The following CASK variants were observed in gnomAD, a reference collection of about 807,000 sequenced individuals.
CASK encodes peripheral plasma membrane protein CASK.
In CASK, 4 loss-of-function variants were observed where a neutral mutation model predicts 82.9. That is an observed-to-expected ratio of 0.05 (90% CI 0.02 to 0.11). The LOEUF is 0.11. Ranked by LOEUF, CASK falls within the 10% of genes least tolerant of loss-of-function variation. The probability of loss-of-function intolerance (pLI) is 1.00; values close to 1 mark genes in which losing one functional copy is unlikely to be tolerated. For synonymous variants in CASK, 259 were observed against 253.5 expected, an observed-to-expected ratio of 1.02 and a Z score of -0.20; for missense variants, 358 against 720.9, an observed-to-expected ratio of 0.50 and a Z score of 5.76.
chrX:41,604,042 T>C (rs2065928218), intron 12 of CASK, among the ~76,000 whole-genome samples: 1 of 110,371 alleles, frequency 9.1e-6, no homozygotes, highest in African/African-American at 3.3e-5. Flanking sequence ...CAAATTCCAA[T>C]CCATAACTGA....
chrX:41,739,330 G>T, intron 5 of CASK, 54 bp downstream of exon 5: 1 of 731,197 alleles, frequency 1.4e-6, no homozygotes, highest in Non-Finnish European at 2.2e-6. Context: ...GATTATCATT[G>T]TTATATCAGT....
chrX:41,652,462 G>A (rs886143317), intron 8 of CASK, among the ~76,000 whole-genome samples: 12 of 112,028 alleles, frequency 1.1e-4, no homozygotes, highest in Middle Eastern at 4.6e-3. Flanking sequence ...TTAGAATGGC[G>A]TAAGGGCTAT....
intron 5 of CASK, chrX:41,695,616 TG>T (rs1252662805): frequency 8.9e-7 from 1 of 1,126,469 alleles, no homozygotes; most frequent in Non-Finnish European, 1.2e-6. Context: ...TTTCACTTTT[TG>T]ATCTCCACAG....
intron 3 of CASK, among the ~76,000 whole-genome samples, chrX:41,752,215 C>G (rs1009407296): frequency 9.0e-6 from 1 of 111,044 alleles, no homozygotes; most frequent in Non-Finnish European, 1.9e-5. Flanking sequence ...ACTAGAAAAC[C>G]CTAAATGCTT....
At chrX:41,854,417 G>C (rs1010176081) in intron 1 of CASK, among the ~76,000 whole-genome samples, 4 of 112,151 alleles carry the variant, frequency 3.6e-5, no homozygotes, top group Non-Finnish European at 7.5e-5. Context: ...TAATATGGTG[G>C]TCATTAAATA....
chrX:41,658,083 C>T (rs904896675), intron 8 of CASK, among the ~76,000 whole-genome samples: 3 of 111,854 alleles, frequency 2.7e-5, no homozygotes, highest in Non-Finnish European at 5.6e-5. Context: ...AATAGCTGTA[C>T]ACATGGAGGT....
intron 2 of CASK, among the ~76,000 whole-genome samples, chrX:41,805,697 G>A (rs961133785): frequency 9.0e-6 from 1 of 111,502 alleles, no homozygotes; most frequent in Non-Finnish European, 1.9e-5. Flanking sequence ...TAGGTTAACA[G>A]CTCCAGGATG....
intron 13 of CASK, chrX:41,588,107 C>G (rs959507669): frequency 8.9e-6 from 1 of 112,078 alleles, no homozygotes; most frequent in African/African-American, 3.2e-5. Flanking sequence ...CAGGGAAGAA[C>G]AAACAAACAA....
chrX:41,606,106 A>G (rs967985602), intron 12 of CASK, among the ~76,000 whole-genome samples: 4 of 112,564 alleles, frequency 3.6e-5, no homozygotes, highest in African/African-American at 1.3e-4. Flanking sequence ...TATGGCAGTC[A>G]CTTGAATTCT....
chrX:41,637,882 G>A (rs1187492850), intron 8 of CASK, among the ~76,000 whole-genome samples: 1 of 110,157 alleles, frequency 9.1e-6, no homozygotes, highest in Non-Finnish European at 1.9e-5. Context: ...GGACTCACAC[G>A]GGGTCCTCCC....
intron 9 of CASK, among the ~76,000 whole-genome samples, chrX:41,630,407 T>C (rs2066445814): frequency 8.9e-6 from 1 of 111,775 alleles, no homozygotes; most frequent in South Asian, 3.7e-4. Flanking sequence ...TACTCCCTTT[T>C]TGGTATTTCC....
At chrX:41,539,342 A>G (rs1399462275) in intron 22 of CASK, among the ~76,000 whole-genome samples, 1 of 112,512 alleles carries the variant, frequency 8.9e-6, no homozygotes, top group Non-Finnish European at 1.9e-5. Context: ...AAATACAAAT[A>G]ATGTCAGAAC....
chrX:41,537,067 C>A (rs184663712), intron 22 of CASK, among the ~76,000 whole-genome samples: 243 of 111,854 alleles, frequency 2.2e-3, no homozygotes, highest in Non-Finnish European at 3.7e-3. Context: ...TATACACACA[C>A]CTATCCCTCT....
intron 1 of CASK, among the ~76,000 whole-genome samples, chrX:41,881,456 G>C (rs189303046): frequency 3.6e-4 from 40 of 110,963 alleles, no homozygotes; most frequent in African/African-American, 1.2e-3. Flanking sequence ...ATTGTTTGTA[G>C]AATTATTTAA....
chrX:41,602,673 T>C (rs940132123), intron 12 of CASK, among the ~76,000 whole-genome samples: 4 of 110,194 alleles, frequency 3.6e-5, no homozygotes, highest in African/African-American at 1.3e-4. Flanking sequence ...TTCCTGGTTC[T>C]ATCAGTTTTC....
intron 1 of CASK, among the ~76,000 whole-genome samples, chrX:41,912,874 A>G (rs2072607817): frequency 9.4e-6 from 1 of 106,741 alleles, no homozygotes; most frequent in Non-Finnish European, 1.9e-5. Flanking sequence ...ACTTTTTTAA[A>G]GTAATATATG....
intron 1 of CASK, among the ~76,000 whole-genome samples, chrX:41,867,261 T>C (rs1415131831): frequency 1.8e-5 from 2 of 112,019 alleles, no homozygotes; most frequent in African/African-American, 3.3e-5. Flanking sequence ...CTCTAACATA[T>C]AGAACTGTGC....
chrX:41,781,704 C>T (rs1833772000), intron 3 of CASK, among the ~76,000 whole-genome samples: 1 of 111,684 alleles, frequency 9.0e-6, no homozygotes, highest in Admixed American at 9.6e-5. Context: ...TGGAACTATA[C>T]ACAAGTGCAT....
At chrX:41,762,527 C>T (rs2069020511) in intron 3 of CASK, among the ~76,000 whole-genome samples, 1 of 111,825 alleles carries the variant, frequency 8.9e-6, no homozygotes. Flanking sequence ...CTTCTCCAAA[C>T]CTTACATCTA....
Sources: allele counts gnomAD v4.1 joint callset (sites outside exome capture counted in the v4.1 genomes callset), GRCh38; gene constraint gnomAD v4.1.1; transcripts MANE v1.5; gene names NCBI Gene and HGNC (gene_info 2026-07-23, HGNC 2026-07-21).